SLC2A13: variants seen among roughly 807,000 people sequenced by gnomAD.
SLC2A13 encodes solute carrier family 2 member 13.
A neutral mutation model predicts 64.4 loss-of-function variants in SLC2A13; 32 were observed. The ratio of observed to expected loss-of-function variants is 0.50; its 90% confidence interval spans 0.37 to 0.67. SLC2A13 has a LOEUF of 0.67. SLC2A13 is among the 30% of genes least tolerant of loss of function. SLC2A13 has a pLI of 0.00. For missense variants in SLC2A13, 743 were observed against 829.2 expected (o/e 0.90, Z 1.28); for synonymous variants, 338 against 327.1 (o/e 1.03, Z -0.36).
intron 7 of SLC2A13, among the ~76,000 whole-genome samples, chr12:39,813,161 C>A (rs1320188495): frequency 6.6e-6 from 1 of 151,302 alleles, no homozygotes; most frequent in Non-Finnish European, 1.5e-5. Flanking sequence ...ATTACTTTTG[C>A]CCTCCCTTTA....
chr12:39,820,463 T>C (rs146490798), intron 7 of SLC2A13, among the ~76,000 whole-genome samples: 1,619 of 152,268 alleles, frequency 0.011, 16 homozygotes, highest in Middle Eastern at 0.044. Flanking sequence ...ACTACACAAG[T>C]TGTAAACCCA....
At chr12:40,077,773 C>G (rs185340006) in intron 1 of SLC2A13, among the ~76,000 whole-genome samples, 1 of 152,214 alleles carries the variant, frequency 6.6e-6, no homozygotes, top group East Asian at 1.9e-4. Flanking sequence ...TTAACTTTTC[C>G]TATCCATGAA....
intron 3 of SLC2A13, among the ~76,000 whole-genome samples, chr12:39,990,868 A>C (rs1947125213): frequency 6.6e-6 from 1 of 152,174 alleles, no homozygotes; most frequent in Admixed American, 6.5e-5. Context: ...ACACATACTC[A>C]AATTAGTCTC....
At chr12:39,912,486 C>A (rs1945447502) in intron 4 of SLC2A13, among the ~76,000 whole-genome samples, 1 of 151,844 alleles carries the variant, frequency 6.6e-6, no homozygotes, top group Non-Finnish European at 1.5e-5. Flanking sequence ...AGCCAAGAAA[C>A]CTTGGGGAAG....
intron 6 of SLC2A13, chr12:39,830,519 A>C: frequency 1.9e-6 from 2 of 1,080,662 alleles, no homozygotes; most frequent in Non-Finnish European, 2.3e-6. Flanking sequence ...GGAGCAAATA[A>C]ACTTTTGCTT....
intron 7 of SLC2A13, among the ~76,000 whole-genome samples, chr12:39,823,795 A>G (rs763665037): frequency 2.0e-5 from 3 of 152,188 alleles, no homozygotes; most frequent in African/African-American, 7.2e-5. Context: ...TATGGCTCCA[A>G]GCAATATTTT....
intron 5 of SLC2A13, among the ~76,000 whole-genome samples, chr12:39,871,059 TA>T (rs1944038336): frequency 6.6e-6 from 1 of 152,132 alleles, no homozygotes; most frequent in South Asian, 2.1e-4. Flanking sequence ...AATTGATACA[TA>T]GGAATGTACT....
intron 1 of SLC2A13, among the ~76,000 whole-genome samples, chr12:40,065,124 G>C (rs1397287179): frequency 2.0e-5 from 3 of 152,112 alleles, no homozygotes; most frequent in Non-Finnish European, 4.4e-5. Flanking sequence ...AGTGAGATCA[G>C]AAAGCAAAAT....
At chr12:39,776,797 C>A (rs980891149) in intron 7 of SLC2A13, among the ~76,000 whole-genome samples, 17 of 152,232 alleles carry the variant, frequency 1.1e-4, no homozygotes, top group East Asian at 7.7e-4. Flanking sequence ...CTGAGGAAAT[C>A]AAGCATGTCT....
At chr12:40,056,935 G>A (rs531656055) in intron 1 of SLC2A13, among the ~76,000 whole-genome samples, 77 of 152,126 alleles carry the variant, frequency 5.1e-4, no homozygotes, top group Non-Finnish European at 8.2e-4. Flanking sequence ...AGTCGAGATC[G>A]CGCCATTGCA....
intron 4 of SLC2A13, among the ~76,000 whole-genome samples, chr12:39,881,310 T>C (rs1944330403): frequency 6.6e-6 from 1 of 151,998 alleles, no homozygotes; most frequent in Non-Finnish European, 1.5e-5. Flanking sequence ...TAGATGACAA[T>C]ATGAGTGTGG....
In SLC2A13 at chr12:39,871,838, C is replaced by T. The variant is rs1944064334; in HGVS notation, c.1158G>A (p.Glu386=). ...IFTLVGVWLV[E]KVGRRKLTFG... is the part of the protein sequence containing the mutation. Reference sequence around the variant, plus strand: ...AGGTAAGCTTTCTGCGGCCCACCTTCTCAACAAGCCAGACTCCCACAAGTG... The same window carrying T: ...AGGTAAGCTTTCTGCGGCCCACCTTTTCAACAAGCCAGACTCCCACAAGTG... Residue 386 remains glutamate, a synonymous_variant, in exon 5 of 10, where the codon GAG becomes GAA. Transcript: ENST00000280871. The T allele has an allele frequency of 2.5e-6, 4 of 1,611,996 alleles. No individual in the cohort carries two copies. The highest frequency in any genetic ancestry group is 3.4e-6 in the Non-Finnish European group (4 of 1,179,174).
intron 3 of SLC2A13, among the ~76,000 whole-genome samples, chr12:39,953,071 G>T (rs1044692204): frequency 1.6e-4 from 25 of 152,104 alleles, no homozygotes; most frequent in Middle Eastern, 3.4e-3. Flanking sequence ...CCTAATGCAA[G>T]AAGTCTATTA....
intron 3 of SLC2A13, among the ~76,000 whole-genome samples, chr12:40,008,322 A>C (rs1476898809): frequency 6.6e-6 from 1 of 152,176 alleles, no homozygotes; most frequent in Non-Finnish European, 1.5e-5. Context: ...ATGGAGAAAC[A>C]ATTGGCTGGG....
chr12:40,045,486 A>T (rs868051571), intron 2 of SLC2A13, among the ~76,000 whole-genome samples: 30 of 150,950 alleles, frequency 2.0e-4, no homozygotes, highest in Admixed American at 7.3e-4. Context: ...TTTGCTTATA[A>T]CCACATTCCT....
At chr12:39,789,671 T>G (rs1380873505) in intron 7 of SLC2A13, among the ~76,000 whole-genome samples, 1 of 152,156 alleles carries the variant, frequency 6.6e-6, no homozygotes, top group Non-Finnish European at 1.5e-5. Flanking sequence ...TCACTAGCAG[T>G]AGAAGACAGA....
chr12:40,009,376 A>G (rs370809980), intron 3 of SLC2A13, among the ~76,000 whole-genome samples: 73 of 152,310 alleles, frequency 4.8e-4, no homozygotes, highest in African/African-American at 1.7e-3. Context: ...GTTAGATAAT[A>G]TCTATAATAT....
chr12:40,099,767 G>C (rs1172386718), intron 1 of SLC2A13, among the ~76,000 whole-genome samples: 1 of 152,116 alleles, frequency 6.6e-6, no homozygotes, highest in African/African-American at 2.4e-5. Context: ...AGCTGTTAAT[G>C]TGTATAAAAC....
intron 1 of SLC2A13, among the ~76,000 whole-genome samples, chr12:40,051,669 G>A (rs929118984): frequency 1.3e-4 from 20 of 152,142 alleles, no homozygotes; most frequent in African/African-American, 4.6e-4. Context: ...TTGGAGATAG[G>A]GGAGAGTTGG....
Sources: gnomAD v4.1 joint callset for allele counts (sites outside exome capture counted in the v4.1 genomes callset) on GRCh38, gnomAD v4.1.1 for gene constraint, MANE v1.5 for transcripts, NCBI Gene and HGNC (gene_info 2026-07-23, HGNC 2026-07-21) for gene names.